The following HTR1E variants were observed in gnomAD, a reference collection of about 807,000 sequenced individuals.
HTR1E encodes 5-hydroxytryptamine receptor 1E.
A neutral mutation model predicts 3.4 loss-of-function variants in HTR1E; 3 were observed. The observed-to-expected ratio is 0.89, with a 90% CI of 0.41 to 2.31. The LOEUF is 2.31. HTR1E is among the 30% of genes most tolerant of loss of function. The probability of loss-of-function intolerance (pLI) is 0.05; values close to 1 mark genes in which losing one functional copy is unlikely to be tolerated. For missense variants in HTR1E, 392 were observed against 467.0 expected, an observed-to-expected ratio of 0.84 and a Z score of 1.48; for synonymous variants, 170 against 182.8, an observed-to-expected ratio of 0.93 and a Z score of 0.56.
chr6:86,947,793 G>A (rs1016973726), intron 1 of HTR1E, among the ~76,000 whole-genome samples: 7 of 152,084 alleles, frequency 4.6e-5, no homozygotes, highest in African/African-American at 1.7e-4. Context: ...TGGATGAACT[G>A]TAAGAAATAT....
At chr6:86,977,611 T>C (rs1341248877) in intron 1 of HTR1E, among the ~76,000 whole-genome samples, 1 of 152,208 alleles carries the variant, frequency 6.6e-6, no homozygotes. Flanking sequence ...CAAACTGCCT[T>C]CCACAGTGGC....
intron 1 of HTR1E, among the ~76,000 whole-genome samples, chr6:86,957,787 A>G (rs1411532954): frequency 6.6e-6 from 1 of 152,244 alleles, no homozygotes; most frequent in East Asian, 1.9e-4. Context: ...AAAAAAGGGC[A>G]CAGTAAAGTA....
At chr6:86,981,647 G>A (rs1279960268) in intron 1 of HTR1E, among the ~76,000 whole-genome samples, 1 of 152,158 alleles carries the variant, frequency 6.6e-6, no homozygotes, top group Non-Finnish European at 1.5e-5. Flanking sequence ...ATGGGTATTT[G>A]TACAACATTC....
intron 1 of HTR1E, among the ~76,000 whole-genome samples, chr6:86,974,225 G>T (rs1767599796): frequency 6.6e-6 from 1 of 152,150 alleles, no homozygotes; most frequent in African/African-American, 2.4e-5. Flanking sequence ...CATCACAGCT[G>T]AATACTTTTG....
intron 1 of HTR1E, among the ~76,000 whole-genome samples, chr6:86,956,734 T>A (rs1005565423): frequency 5.9e-5 from 9 of 152,196 alleles, no homozygotes; most frequent in Non-Finnish European, 1.0e-4. Flanking sequence ...AGAAAAAAAA[T>A]TTAAAAAAAT....
In HTR1E at chr6:87,016,314, A is replaced by T; in HGVS notation, c.980A>T (p.Asp327Val). The T allele has an allele frequency of 6.2e-7, 1 of 1,614,184 alleles. No homozygotes were observed. The highest frequency in any genetic ancestry group is 8.5e-7 in the Non-Finnish European group (1 of 1,180,042). ...SIYTVSSEVA[D>V]FLTWLGYVNS... The stretch of plus-strand genomic sequence containing the variant: ...TACACCGTGTCCTCGGAAGTGGCCG[A>T]CTTTCTGACGTGGCTCGGTTATGTG... The change falls in exon 2 of 2, where the codon GAC becomes GTC. Residue 327 changes from aspartate to valine, a missense_variant. Around this residue, in one of 3 missense-constraint regions of HTR1E, gnomAD observed 178 missense variants for 164.9 expected, o/e 1.08. Coordinates refer to ENST00000305344, the MANE Select transcript of HTR1E (RefSeq NM_000865.3).
intron 1 of HTR1E, among the ~76,000 whole-genome samples, chr6:86,959,228 T>C (rs1296088039): frequency 6.6e-6 from 1 of 151,908 alleles, no homozygotes; most frequent in Non-Finnish European, 1.5e-5. Flanking sequence ...CTGCTTTACC[T>C]GAAGTCCACT....
At chr6:86,998,001 G>A (rs1297156037) in intron 1 of HTR1E, among the ~76,000 whole-genome samples, 1 of 151,692 alleles carries the variant, frequency 6.6e-6, no homozygotes, top group Non-Finnish European at 1.5e-5. Flanking sequence ...AGGGATAAAT[G>A]GAGATTTACA....
At chr6:87,010,012 T>C (rs1221903351) in intron 1 of HTR1E, among the ~76,000 whole-genome samples, 50 of 91,898 alleles carry the variant, frequency 5.4e-4, no homozygotes, top group African/African-American at 1.7e-3. Context: ...GGCGGAGGGC[T>C]GACCCCCCCA....
rs193209530 is a variant in HTR1E, at chr6:87,004,039, C to A, written c.-185-11111C>A. Among the ~76,000 whole-genome samples, 714 of 152,190 alleles carry A rather than the reference C, an allele frequency of 4.7e-3. 3 individuals are homozygous for A. Among genetic ancestry groups the A allele is most frequent in the South Asian group, 0.015 (74 of 4,830 alleles). On this transcript the variant is annotated intron_variant, in intron 1 of 1. Transcript: ENST00000305344. ...TTGATAAATCCCTAACCACATACAA[C>A]CTACCAAGATTGAACCAAGCATAAA...
chr6:86,991,782 C>T (rs115697046), intron 1 of HTR1E, among the ~76,000 whole-genome samples: 1,710 of 152,246 alleles, frequency 0.011, 33 homozygotes, highest in African/African-American at 0.038. Flanking sequence ...TTCACAGAAA[C>T]ACAAATGTGT....
intron 1 of HTR1E, among the ~76,000 whole-genome samples, chr6:86,947,744 C>T (rs1480104873): frequency 6.6e-6 from 1 of 152,124 alleles, no homozygotes; most frequent in Non-Finnish European, 1.5e-5. Flanking sequence ...GATTCAACAA[C>T]ATAAATTAGT....
intron 1 of HTR1E, among the ~76,000 whole-genome samples, chr6:87,004,565 T>TA (rs943033040): frequency 3.3e-5 from 5 of 151,590 alleles, no homozygotes; most frequent in African/African-American, 1.2e-4. Context: ...TTGATAACCC[T>TA]AAAAAAAATG....
chr6:86,997,464 C>G (rs529143043), intron 1 of HTR1E, among the ~76,000 whole-genome samples: 13 of 151,612 alleles, frequency 8.6e-5, no homozygotes, highest in Non-Finnish European at 1.6e-4. Flanking sequence ...TACAAAAAAA[C>G]TCATATCTAA....
intron 1 of HTR1E, among the ~76,000 whole-genome samples, chr6:86,951,788 G>A (rs1767248018): frequency 6.6e-6 from 1 of 152,036 alleles, no homozygotes; most frequent in Admixed American, 6.6e-5. Context: ...AAATATTTTT[G>A]TTCTAGTAGT....
intron 1 of HTR1E, among the ~76,000 whole-genome samples, chr6:86,989,445 T>C (rs1562068658): frequency 2.0e-5 from 3 of 152,188 alleles, no homozygotes; most frequent in African/African-American, 2.4e-5. Context: ...AGGTGGTTGT[T>C]GGAAGAAAAG....
chr6:87,007,753 G>A (rs1016684929), intron 1 of HTR1E, among the ~76,000 whole-genome samples: 4 of 152,116 alleles, frequency 2.6e-5, no homozygotes, highest in African/African-American at 7.2e-5. Context: ...TGGGCAACAC[G>A]GTGAAACCCT....
intron 1 of HTR1E, among the ~76,000 whole-genome samples, chr6:87,007,537 T>C (rs976417383): frequency 1.2e-4 from 18 of 152,212 alleles, no homozygotes; most frequent in Admixed American, 8.5e-4. Flanking sequence ...CTCCATTACC[T>C]TGATGTGATG....
At chr6:87,000,065 G>A (rs1369324604) in intron 1 of HTR1E, 1 of 174,360 alleles carries the variant, frequency 5.7e-6, no homozygotes, top group African/African-American at 2.4e-5. Flanking sequence ...GCTATTTCAA[G>A]CTCTTTAGAC....
Sources: gnomAD v4.1 joint callset for allele counts (sites outside exome capture counted in the v4.1 genomes callset) on GRCh38, gnomAD v4.1.1 for gene constraint, gnomAD v4.1.1 regional missense constraint, MANE v1.5 for transcripts, NCBI Gene and HGNC (gene_info 2026-07-23, HGNC 2026-07-21) for gene names.